Variants in DLEU7 observed in about 807,000 individuals in gnomAD.
DLEU7 encodes the protein deleted in lymphocytic leukemia 7.
In DLEU7, 17 loss-of-function variants were observed where a neutral mutation model predicts 16.0. That is an observed-to-expected ratio of 1.06 (90% CI 0.73 to 1.59). The LOEUF is 1.59. Ranked by LOEUF, DLEU7 falls within the 40% of genes most tolerant of loss-of-function variation. DLEU7 has a pLI of 0.00. For synonymous variants in DLEU7, 113 were observed against 139.8 expected (o/e 0.81, Z 1.35); for missense variants, 308 against 314.9 (o/e 0.98, Z 0.17).
chr13:50,798,472 A>G (rs1876159281), intron 1 of DLEU7, among the ~76,000 whole-genome samples: 1 of 152,210 alleles, frequency 6.6e-6, no homozygotes, highest in African/African-American at 2.4e-5. Flanking sequence ...GGACAGGGCT[A>G]GGAGTCCAAT....
At chr13:50,772,830 AAG>A (rs1392254975) in intron 1 of DLEU7, among the ~76,000 whole-genome samples, 49 of 152,186 alleles carry the variant, frequency 3.2e-4, no homozygotes, top group South Asian at 2.3e-3. Context: ...CAGGTTGGGG[AAG>A]TTCTCCTGGA....
intron 1 of DLEU7, among the ~76,000 whole-genome samples, chr13:50,727,491 A>C (rs1403415600): frequency 6.6e-6 from 1 of 152,098 alleles, no homozygotes; most frequent in Non-Finnish European, 1.5e-5. Flanking sequence ...TTTCTTTGCC[A>C]CCGAGTTGTT....
intron 1 of DLEU7, among the ~76,000 whole-genome samples, chr13:50,747,231 G>A (rs1874425298): frequency 6.6e-6 from 1 of 151,968 alleles, no homozygotes; most frequent in Non-Finnish European, 1.5e-5. Flanking sequence ...AAACTATATT[G>A]GGGAAAGGAG....
At chr13:50,787,631 G>A (rs893579698) in intron 1 of DLEU7, among the ~76,000 whole-genome samples, 3 of 151,996 alleles carry the variant, frequency 2.0e-5, no homozygotes, top group Non-Finnish European at 2.9e-5. Context: ...GCCCCCTGCT[G>A]TTCCTACTTT....
intron 1 of DLEU7, among the ~76,000 whole-genome samples, chr13:50,833,173 A>T (rs1877334848): frequency 6.6e-6 from 1 of 152,252 alleles, no homozygotes; most frequent in African/African-American, 2.4e-5. Flanking sequence ...CTCCTATTCA[A>T]CATAGTATTG....
intron 1 of DLEU7, among the ~76,000 whole-genome samples, chr13:50,767,852 A>G (rs1875168731): frequency 6.6e-6 from 1 of 152,118 alleles, no homozygotes; most frequent in Non-Finnish European, 1.5e-5. Flanking sequence ...AGCCTCCGTG[A>G]TGCTTTCTTC....
chr13:50,722,778 A>T (rs1873659189), intron 1 of DLEU7, among the ~76,000 whole-genome samples: 1 of 152,210 alleles, frequency 6.6e-6, no homozygotes, highest in African/African-American at 2.4e-5. Flanking sequence ...TTGAAAAATT[A>T]AACTTATTTT....
At chr13:50,715,734 C>T (rs1035982158) in intron 1 of DLEU7, among the ~76,000 whole-genome samples, 4 of 152,248 alleles carry the variant, frequency 2.6e-5, no homozygotes, top group Non-Finnish European at 5.9e-5. Flanking sequence ...TTCGGAAAAA[C>T]TCCGAAGATT....
intron 1 of DLEU7, among the ~76,000 whole-genome samples, chr13:50,830,315 A>C (rs1877221430): frequency 1.3e-5 from 2 of 152,264 alleles, no homozygotes; most frequent in Admixed American, 1.3e-4. Flanking sequence ...TAAATGAATT[A>C]GTTAAATTTA....
chr13:50,790,433 G>A (rs750048194), intron 1 of DLEU7, among the ~76,000 whole-genome samples: 3 of 151,856 alleles, frequency 2.0e-5, no homozygotes, highest in African/African-American at 7.3e-5. Flanking sequence ...TCTCAGGCCC[G>A]CAAGGATATC....
intron 1 of DLEU7, among the ~76,000 whole-genome samples, chr13:50,836,813 G>A (rs1177884040): frequency 6.6e-6 from 1 of 152,172 alleles, no homozygotes; most frequent in Non-Finnish European, 1.5e-5. Context: ...TCCAGTGCTG[G>A]GCCCAACAAA....
intron 1 of DLEU7, among the ~76,000 whole-genome samples, chr13:50,817,474 A>G (rs1876767679): frequency 6.6e-6 from 1 of 152,142 alleles, no homozygotes; most frequent in Non-Finnish European, 1.5e-5. Flanking sequence ...GTAGAATGGA[A>G]CACTGGGATC....
intron 1 of DLEU7, among the ~76,000 whole-genome samples, chr13:50,796,638 C>T (rs942485045): frequency 6.6e-6 from 1 of 152,154 alleles, no homozygotes; most frequent in Non-Finnish European, 1.5e-5. Flanking sequence ...TAGAAGTGGT[C>T]ATGTGACTCC....
chr13:50,838,862 C>T (rs1003797882), intron 1 of DLEU7, among the ~76,000 whole-genome samples: 7 of 152,202 alleles, frequency 4.6e-5, no homozygotes, highest in East Asian at 1.9e-4. Flanking sequence ...TCTGCTTGCA[C>T]GCACTGCGGA....
At chr13:50,816,346 C>T (rs769531324) in intron 1 of DLEU7, among the ~76,000 whole-genome samples, 1 of 152,018 alleles carries the variant, frequency 6.6e-6, no homozygotes, top group Non-Finnish European at 1.5e-5. Context: ...GCTATACACT[C>T]ATATACTTCC....
At chr13:50,746,875 C>T (rs976573027) in intron 1 of DLEU7, among the ~76,000 whole-genome samples, 2 of 152,090 alleles carry the variant, frequency 1.3e-5, no homozygotes, top group South Asian at 2.1e-4. Context: ...AGTTATCTGG[C>T]TTCTTCTAAC....
chr13:50,745,397 G>A (rs1229595221), intron 1 of DLEU7, among the ~76,000 whole-genome samples: 1 of 152,136 alleles, frequency 6.6e-6, no homozygotes, highest in Non-Finnish European at 1.5e-5. Flanking sequence ...TGGTTATCAG[G>A]GGCTGGGAGG....
downstream of DLEU7, chr13:50,822,637 G>A: frequency 1.0e-6 from 1 of 984,822 alleles, no homozygotes; most frequent in Non-Finnish European, 1.2e-6. Context: ...TTTTCCACAT[G>A]AGACTTTAAT....
At chr13:50,786,075 A>G (rs565466856) in intron 1 of DLEU7, among the ~76,000 whole-genome samples, 1 of 152,308 alleles carries the variant, frequency 6.6e-6, no homozygotes, top group South Asian at 2.1e-4. Flanking sequence ...GATTTGGCAG[A>G]AGGAGACTTT....
Sources: allele counts gnomAD v4.1 joint callset (sites outside exome capture counted in the v4.1 genomes callset), GRCh38; gene constraint gnomAD v4.1.1; transcripts MANE v1.5; gene names NCBI Gene and HGNC (gene_info 2026-07-23, HGNC 2026-07-21).